The following RBFOX1 variants were observed in gnomAD, a reference collection of about 807,000 sequenced individuals.
The protein encoded by RBFOX1 is RNA binding protein fox-1 homolog 1.
A neutral mutation model predicts 57.7 loss-of-function variants in RBFOX1; 8 were observed. The observed-to-expected ratio is 0.14, with a 90% CI of 0.08 to 0.25. RBFOX1 has a LOEUF of 0.25. Ranked by LOEUF, RBFOX1 falls within the 10% of genes least tolerant of loss-of-function variation. The pLI is 1.00. For missense variants in RBFOX1, 611 were observed against 548.5 expected (o/e 1.11, Z -1.14); for synonymous variants, 326 against 222.4 (o/e 1.47, Z -4.15).
chr16:7,514,422 A>G (rs1007961802), intron 4 of RBFOX1, among the ~76,000 whole-genome samples: 3 of 152,128 alleles, frequency 2.0e-5, no homozygotes, highest in African/African-American at 4.8e-5. Flanking sequence ...TGCAGCTAGT[A>G]TGCTGTTGGA....
At chr16:5,919,616 T>G (rs1432638533) in intron 4 of RBFOX1, among the ~76,000 whole-genome samples, 1 of 152,174 alleles carries the variant, frequency 6.6e-6, no homozygotes, top group Non-Finnish European at 1.5e-5. Context: ...AGTGCTGGGA[T>G]TATGCAAATT....
intron 4 of RBFOX1, among the ~76,000 whole-genome samples, chr16:7,216,039 C>G (rs2091981343): frequency 6.6e-6 from 1 of 152,064 alleles, no homozygotes; most frequent in East Asian, 1.9e-4. Context: ...TTTTATATCA[C>G]TGGAATCATA....
At chr16:7,505,736 G>A (rs1020632723) in intron 4 of RBFOX1, among the ~76,000 whole-genome samples, 4 of 152,150 alleles carry the variant, frequency 2.6e-5, no homozygotes, top group African/African-American at 9.7e-5. Context: ...TGGCAAGATG[G>A]CTTCCATCCT....
At chr16:6,921,860 C>T (rs1453220909) in intron 3 of RBFOX1, among the ~76,000 whole-genome samples, 1 of 151,886 alleles carries the variant, frequency 6.6e-6, no homozygotes, top group East Asian at 1.9e-4. Flanking sequence ...GAAGCAAGTC[C>T]CAGGTCTACC....
At chr16:6,941,249 T>G (rs2078405842) in intron 3 of RBFOX1, among the ~76,000 whole-genome samples, 9 of 84,970 alleles carry the variant, frequency 1.1e-4, no homozygotes, top group East Asian at 8.0e-4. Context: ...TCCCCTCCCA[T>G]TCCCTCCCTC....
chr16:6,880,585 C>G (rs1328069018), intron 3 of RBFOX1, among the ~76,000 whole-genome samples: 1 of 152,112 alleles, frequency 6.6e-6, no homozygotes, highest in Non-Finnish European at 1.5e-5. Flanking sequence ...ATCTGTTTTT[C>G]TTTCTGGACT....
chr16:5,756,269 T>C (rs74006253), intron 3 of RBFOX1, among the ~76,000 whole-genome samples: 8,343 of 138,494 alleles, frequency 0.06, 712 homozygotes, highest in African/African-American at 0.19. Context: ...CCTCCTGCAG[T>C]GTATGGACAT....
At chr16:7,597,035 T>G (rs1568013497) in intron 8 of RBFOX1, among the ~76,000 whole-genome samples, 1 of 152,256 alleles carries the variant, frequency 6.6e-6, no homozygotes, top group African/African-American at 2.4e-5. Context: ...GTTTAAAAAA[T>G]ATTTCTTGTT....
chr16:5,760,862 G>A (rs1160024323), intron 3 of RBFOX1, among the ~76,000 whole-genome samples: 6 of 152,316 alleles, frequency 3.9e-5, no homozygotes, highest in African/African-American at 7.2e-5. Flanking sequence ...AGTAGGGAGC[G>A]AGTGGGGTTT....
chr16:5,496,162 A>C (rs1452443017), intron 2 of RBFOX1, among the ~76,000 whole-genome samples: 1 of 152,096 alleles, frequency 6.6e-6, no homozygotes. Context: ...AACCCATTAC[A>C]ATGGAAGCCC....
chr16:7,138,462 C>T (rs2072670604), intron 4 of RBFOX1, among the ~76,000 whole-genome samples: 1 of 152,066 alleles, frequency 6.6e-6, no homozygotes, highest in Admixed American at 6.5e-5. Flanking sequence ...AGCACCAGAC[C>T]CAACCAGGAC....
At chr16:7,480,932 CTG>C (rs1390322744) in intron 4 of RBFOX1, among the ~76,000 whole-genome samples, 19 of 152,242 alleles carry the variant, frequency 1.2e-4, no homozygotes, top group Admixed American at 1.2e-3. Context: ...GTAGGGGTCT[CTG>C]TAGTGCGAAT....
chr16:6,440,232 A>T lies in RBFOX1; in HGVS notation c.-64+123175A>T, dbSNP rs990326316. ...TTACAGGCGTGAGCCTTAGGTGGCCATTTCTAAATATACATGTATTGATGA... is the reference window on the plus strand; with the variant it reads ...TTACAGGCGTGAGCCTTAGGTGGCCTTTTCTAAATATACATGTATTGATGA... On this transcript the variant is annotated intron_variant, in intron 2 of 15. Transcript: ENST00000550418. 2.0e-5 allele frequency among the ~76,000 whole-genome samples: 3 copies of T among 152,186 alleles called. No homozygotes were observed. The South Asian group carries it at 6.2e-4, about 32-fold the overall frequency.
intron 2 of RBFOX1, among the ~76,000 whole-genome samples, chr16:5,504,084 G>C (rs932192839): frequency 2.0e-5 from 3 of 152,186 alleles, no homozygotes; most frequent in Non-Finnish European, 2.9e-5. Flanking sequence ...TCTCCAGAGG[G>C]CGATGGCTGG....
At chr16:5,853,507 G>C (rs1305526223) in intron 3 of RBFOX1, among the ~76,000 whole-genome samples, 2 of 152,192 alleles carry the variant, frequency 1.3e-5, no homozygotes, top group African/African-American at 4.8e-5. Context: ...GGACCATCCA[G>C]CTGCACCTGA....
intron 3 of RBFOX1, among the ~76,000 whole-genome samples, chr16:6,747,880 T>C (rs775801955): frequency 1.1e-4 from 17 of 152,142 alleles, no homozygotes; most frequent in Non-Finnish European, 2.4e-4. Context: ...ATCCATACCT[T>C]ATGGCTTCAC....
chr16:5,474,403 C>T (rs911405758), intron 2 of RBFOX1, among the ~76,000 whole-genome samples: 1 of 152,176 alleles, frequency 6.6e-6, no homozygotes, highest in Non-Finnish European at 1.5e-5. Flanking sequence ...CCTGTGATCC[C>T]AGCACTTTGG....
chr16:6,715,517 T>C (rs2064624308), intron 3 of RBFOX1, among the ~76,000 whole-genome samples: 1 of 152,204 alleles, frequency 6.6e-6, no homozygotes, highest in African/African-American at 2.4e-5. Context: ...TCCCAACCAA[T>C]TTATTCTCTA....
intron 4 of RBFOX1, among the ~76,000 whole-genome samples, chr16:5,997,559 C>T (rs1389210779): frequency 6.6e-6 from 1 of 152,198 alleles, no homozygotes; most frequent in Admixed American, 6.5e-5. Flanking sequence ...TCAAGAACTC[C>T]ATGAAGAATC....
Sources: allele counts gnomAD v4.1 joint callset (sites outside exome capture counted in the v4.1 genomes callset), GRCh38; gene constraint gnomAD v4.1.1; transcripts MANE v1.5; gene names NCBI Gene and HGNC (gene_info 2026-07-23, HGNC 2026-07-21).